The following ZNF366 variants were observed in gnomAD, a reference collection of about 807,000 sequenced individuals.
ZNF366 encodes dendritic cell-specific transcript protein.
ZNF366 carries 20 observed loss-of-function variants against 47.2 expected under a neutral mutation model. The ratio of observed to expected loss-of-function variants is 0.42; its 90% confidence interval spans 0.30 to 0.62. The LOEUF is 0.62. Among genes scored for constraint, ZNF366 ranks in the 20% least tolerant of loss-of-function variants. The pLI, the probability that ZNF366 is intolerant of heterozygous loss-of-function variation, is 0.16. For synonymous variants in ZNF366, 421 were observed against 395.1 expected, an observed-to-expected ratio of 1.07 and a Z score of -0.78; for missense variants, 987 against 976.3, an observed-to-expected ratio of 1.01 and a Z score of -0.15.
At chr5:72,491,951 T>C (rs765371220) in intron 1 of ZNF366, among the ~76,000 whole-genome samples, 6 of 152,154 alleles carry the variant, frequency 3.9e-5, no homozygotes, top group Non-Finnish European at 7.4e-5. Flanking sequence ...ACCCCTGGGA[T>C]GGTGGTGGTG....
chr5:72,506,720 C>T (rs1426680018), intron 1 of ZNF366, among the ~76,000 whole-genome samples: 1 of 152,170 alleles, frequency 6.6e-6, no homozygotes, highest in Non-Finnish European at 1.5e-5. Flanking sequence ...AGTGACATTC[C>T]CTTCTCTCTT....
chr5:72,479,467 C>A (rs10039537), intron 1 of ZNF366, among the ~76,000 whole-genome samples: 26,438 of 151,644 alleles, frequency 0.17, 2,519 homozygotes, highest in East Asian at 0.38. Context: ...TGTCAAAAAT[C>A]ATGTAACATT....
intron 1 of ZNF366, among the ~76,000 whole-genome samples, chr5:72,493,131 T>C (rs1354194964): frequency 6.6e-6 from 1 of 152,210 alleles, no homozygotes; most frequent in Non-Finnish European, 1.5e-5. Context: ...CTGCCCTTAT[T>C]CCTACTTCAC....
rs765498463 is a variant in ZNF366, at chr5:72,462,507, TTTTCTTTC to T, written c.-14-1005_-14-998del. Among the ~76,000 whole-genome samples the T allele has an allele frequency of 3.4e-3, 282 of 82,476 alleles. 1 individual carries two copies. Among genetic ancestry groups the T allele is most frequent in the South Asian group, 7.7e-3 (16 of 2,080 alleles). The allele number at this position is 82,476 out of a possible 152,430, so 54.1% of individuals were successfully genotyped here. On this transcript the variant is annotated intron_variant, in intron 1 of 4. Transcript: ENST00000318442. ...AGTGTTTTTCACGTCTCCTTGCCAG[TTTTCTTTC>T]TTTCTTTCTTTCTTTCTTTCTTTCT...
chr5:72,488,066 G>GGTGTGGTC (rs1743926956), intron 1 of ZNF366, among the ~76,000 whole-genome samples: 1 of 152,048 alleles, frequency 6.6e-6, no homozygotes, highest in Non-Finnish European at 1.5e-5. Flanking sequence ...AAATTAGCCA[G>GGTGTGGTC]GTGTGGTCAT....
At chr5:72,458,332 C>A (rs1209210565) in intron 2 of ZNF366, among the ~76,000 whole-genome samples, 1 of 152,142 alleles carries the variant, frequency 6.6e-6, no homozygotes, top group African/African-American at 2.4e-5. Flanking sequence ...TTTCTTCTCT[C>A]AAGATTTTCT....
chr5:72,503,892 G>A (rs1436962148), intron 1 of ZNF366, among the ~76,000 whole-genome samples: 1 of 152,234 alleles, frequency 6.6e-6, no homozygotes, highest in Non-Finnish European at 1.5e-5. Flanking sequence ...TATTCTTGCT[G>A]TTGTGTGTTT....
intron 1 of ZNF366, among the ~76,000 whole-genome samples, chr5:72,501,458 G>A (rs1451340791): frequency 4.6e-5 from 7 of 152,106 alleles, no homozygotes; most frequent in Admixed American, 3.9e-4. Context: ...TTTGTTACTA[G>A]GTGTTTAGAT....
Position 72,461,289 on chromosome 5 carries a change from C to T in ZNF366, c.208G>A (p.Val70Ile), listed in dbSNP as rs373910216. The T allele has an allele frequency of 1.2e-6, 2 of 1,613,982 alleles. No homozygotes were observed. The highest frequency in any genetic ancestry group is 2.7e-5 in the African/African-American group (2 of 74,894). ...TTCCTAGACCCTGCTCCTTCGAAGA[C>T]CCCGGGGAACCCATCTAGGTCTCCT... ...PPGDLDGFPG[V>I]FEGAGSRKRK... Residue 70 changes from valine (V) to isoleucine (I), a missense_variant, in exon 2 of 5, where the codon GTC becomes ATC. Coordinates refer to ENST00000318442, the MANE Select transcript of ZNF366 (RefSeq NM_152625.3).
At chr5:72,498,142 T>A (rs1200647026) in intron 1 of ZNF366, among the ~76,000 whole-genome samples, 1 of 152,124 alleles carries the variant, frequency 6.6e-6, no homozygotes, top group Admixed American at 6.5e-5. Context: ...AAAAAAAATA[T>A]CTCTACAGTT....
At chr5:72,459,665 G>A (rs1743261346) in intron 2 of ZNF366, among the ~76,000 whole-genome samples, 1 of 152,234 alleles carries the variant, frequency 6.6e-6, no homozygotes, top group African/African-American at 2.4e-5. Context: ...TTCCCTTGGA[G>A]AACTTGCATA....
rs1332129053 is a variant in ZNF366 at position 72,441,014 on chromosome 5, G to A, written c.*2742C>T. On this transcript the variant is annotated 3_prime_UTR_variant, in exon 5 of 5. Transcript: ENST00000318442. The stretch of plus-strand genomic sequence containing the variant: ...AAATCAGATGGAACTTGAGCTGCTT[G>A]GAGTGAGGTGGGTGTGGGAGTTGAG... 2.0e-5 allele frequency: 3 copies of A among 152,126 alleles called. No homozygotes were observed. Among genetic ancestry groups the A allele is most frequent in the Non-Finnish European group, 4.4e-5 (3 of 68,016 alleles). The allele number at this position is 152,126 out of a possible 1,614,324, so 9.4% of individuals were successfully genotyped here.
chr5:72,451,815 C>T (rs779762357), intron 3 of ZNF366, among the ~76,000 whole-genome samples: 10 of 152,162 alleles, frequency 6.6e-5, no homozygotes, highest in East Asian at 1.9e-4. Context: ...GGGAGAGGGC[C>T]GAGTTATTTG....
At chr5:72,492,787 A>G (rs1744038483) in intron 1 of ZNF366, among the ~76,000 whole-genome samples, 1 of 152,178 alleles carries the variant, frequency 6.6e-6, no homozygotes, top group African/African-American at 2.4e-5. Context: ...GGTTTGTGGC[A>G]AGAAAGCATC....
rs939358575 is a variant in ZNF366 at position 72,448,550 on chromosome 5, A to T, written c.1525-1133T>A. Among the ~76,000 whole-genome samples, 16 of 152,274 alleles carry T rather than the reference A, an allele frequency of 1.1e-4. No individual in the cohort carries two copies. In the East Asian group the frequency reaches 2.9e-3, roughly 28 times the overall value. ...ATTTTGTGTCTGTGATTGGACAAGA[A>T]TGTTAAGGGAGGAGAATTCTCCTTC... On this transcript the variant is annotated intron_variant, in intron 3 of 4. Transcript: ENST00000318442.
chr5:72,494,089 CA>C (rs1475841473), intron 1 of ZNF366: 3 of 151,986 alleles, frequency 2.0e-5, no homozygotes, highest in African/African-American at 7.2e-5. Context: ...TATATTTAAT[CA>C]ATGAATGAGT....
chr5:72,447,237 G>T lies in ZNF366; in HGVS notation c.1699+6C>A, dbSNP rs1405083225. The T allele has an allele frequency of 6.2e-7, 1 of 1,613,996 alleles. No homozygotes were observed. The highest frequency in any genetic ancestry group is 1.7e-5 in the Admixed American group (1 of 60,008). On this transcript the variant is annotated splice_donor_region_variant and intron_variant, in intron 4 of 4. Transcript: ENST00000318442. ...GACTTGCAGGGCTTCCCAGAAGAGT[G>T]ATTACCTTGGGAATGAAGGCCCCGC...
chr5:72,498,283 AT>A (rs528699568), intron 1 of ZNF366, among the ~76,000 whole-genome samples: 2 of 152,236 alleles, frequency 1.3e-5, no homozygotes, highest in East Asian at 1.9e-4. Flanking sequence ...ATATAAGTTT[AT>A]TTTTTTCCCA....
intron 1 of ZNF366, among the ~76,000 whole-genome samples, chr5:72,496,288 C>A (rs947983386): frequency 6.6e-6 from 1 of 152,160 alleles, no homozygotes; most frequent in Non-Finnish European, 1.5e-5. Context: ...TTGCTCCCAC[C>A]CCTGGCCCCA....
Sources: gnomAD v4.1 joint callset for allele counts (sites outside exome capture counted in the v4.1 genomes callset) on GRCh38, gnomAD v4.1.1 for gene constraint, MANE v1.5 for transcripts, NCBI Gene and HGNC (gene_info 2026-07-23, HGNC 2026-07-21) for gene names.